ZBTB20: variants seen among roughly 807,000 people sequenced by gnomAD.
ZBTB20 encodes the protein zinc finger and BTB domain-containing protein 20.
ZBTB20 carries 9 observed loss-of-function variants against 56.9 expected under a neutral mutation model. That is an observed-to-expected ratio of 0.16 (90% confidence interval 0.10 to 0.28). The LOEUF (loss-of-function observed/expected upper bound fraction) is 0.28, where lower values mean the gene tolerates loss of function less well. Among genes scored for constraint, ZBTB20 ranks in the 10% least tolerant of loss-of-function variants. The probability of loss-of-function intolerance (pLI) is 1.00; values close to 1 mark genes in which losing one functional copy is unlikely to be tolerated. For missense variants in ZBTB20, 655 were observed against 1,003.0 expected (o/e 0.65, Z 4.69); for synonymous variants, 417 against 420.7 (o/e 0.99, Z 0.11).
chr3:114,859,437 T>C (rs2075407879), intron 4 of ZBTB20, among the ~76,000 whole-genome samples: 1 of 151,800 alleles, frequency 6.6e-6, no homozygotes, highest in South Asian at 2.1e-4. Flanking sequence ...TTCTCTCTTC[T>C]TTCCTTCCTT....
At chr3:114,671,383 G>A (rs1057085608) in intron 6 of ZBTB20, among the ~76,000 whole-genome samples, 1 of 151,968 alleles carries the variant, frequency 6.6e-6, no homozygotes, top group African/African-American at 2.4e-5. Context: ...TTTTCTTCAA[G>A]AGGACCCCCC....
chr3:114,893,269 TA>T (rs974729924), intron 4 of ZBTB20, among the ~76,000 whole-genome samples: 2 of 152,162 alleles, frequency 1.3e-5, no homozygotes, highest in Non-Finnish European at 2.9e-5. Flanking sequence ...TGTGCAGTTT[TA>T]AAATCCTTAT....
intron 6 of ZBTB20, among the ~76,000 whole-genome samples, chr3:114,613,609 C>T (rs2057715181): frequency 6.6e-6 from 1 of 152,082 alleles, no homozygotes; most frequent in Admixed American, 6.6e-5. Flanking sequence ...TACTTGAAAC[C>T]AGTGGTAAAA....
intron 2 of ZBTB20, among the ~76,000 whole-genome samples, chr3:114,981,477 C>T (rs893106054): frequency 2.0e-5 from 3 of 151,968 alleles, no homozygotes; most frequent in African/African-American, 7.2e-5. Context: ...GAAGTGACAG[C>T]AATTTTCTTC....
chr3:114,987,337 A>G (rs774572408), intron 2 of ZBTB20, among the ~76,000 whole-genome samples: 22 of 152,156 alleles, frequency 1.4e-4, no homozygotes, highest in Non-Finnish European at 3.1e-4. Context: ...CTTCCCAGGT[A>G]CAATGAATGC....
At chr3:114,670,122 G>A (rs1056775167) in intron 6 of ZBTB20, among the ~76,000 whole-genome samples, 1 of 151,992 alleles carries the variant, frequency 6.6e-6, no homozygotes, top group Non-Finnish European at 1.5e-5. Flanking sequence ...GCCTGAAGTT[G>A]ACATTCATAA....
chr3:114,527,701 G>A (rs1377671752), intron 6 of ZBTB20, among the ~76,000 whole-genome samples: 1 of 152,082 alleles, frequency 6.6e-6, no homozygotes, highest in East Asian at 1.9e-4. Context: ...GCAACTTCAT[G>A]TTAAATATGT....
At chr3:114,885,577 T>C (rs1161477721) in intron 4 of ZBTB20, among the ~76,000 whole-genome samples, 1 of 152,152 alleles carries the variant, frequency 6.6e-6, no homozygotes, top group African/African-American at 2.4e-5. Context: ...TTCTTCTTTT[T>C]TTTTTTTCGG....
chr3:114,844,860 CTTT>C (rs11396350), intron 4 of ZBTB20, among the ~76,000 whole-genome samples: 9 of 130,408 alleles, frequency 6.9e-5, no homozygotes, highest in Non-Finnish European at 1.1e-4. Context: ...TTTTCTTTTT[CTTT>C]TTTTTTTTTT....
chr3:114,458,102 A>G (rs1559816147), intron 7 of ZBTB20, among the ~76,000 whole-genome samples: 1 of 152,170 alleles, frequency 6.6e-6, no homozygotes, highest in Non-Finnish European at 1.5e-5. Flanking sequence ...AAAATGGATG[A>G]AGGGAAGAGT....
intron 1 of ZBTB20, among the ~76,000 whole-genome samples, chr3:115,141,649 C>T (rs2084814227): frequency 6.6e-6 from 1 of 152,136 alleles, no homozygotes. Context: ...AAGAAAATGA[C>T]AATACCATTC....
rs200951904 is a variant in ZBTB20, at chr3:114,748,337, C to T, written c.-343+52764G>A. Reference sequence around the variant, plus strand: ...TTCTTTCTTTCTTTCTTTCTTTCTTCTTTCTTTCTTTCTTTTCTCTCTCTC... The same window carrying T: ...TTCTTTCTTTCTTTCTTTCTTTCTTTTTTCTTTCTTTCTTTTCTCTCTCTC... On this transcript the variant is annotated intron_variant, in intron 5 of 11. Transcript: ENST00000675478. Among the ~76,000 whole-genome samples the T allele has an allele frequency of 1.6e-3, 56 of 35,994 alleles. 1 individual carries two copies. The East Asian group carries it at 0.018, about 11-fold the overall frequency. The allele number at this position is 35,994 out of a possible 152,430, so 23.6% of individuals were successfully genotyped here.
At chr3:114,486,217 T>G (rs2042137322) in intron 7 of ZBTB20, among the ~76,000 whole-genome samples, 1 of 138,974 alleles carries the variant, frequency 7.2e-6, no homozygotes, top group African/African-American at 2.6e-5. Flanking sequence ...ATCCTACATG[T>G]CTAAAACTTT....
chr3:115,018,560 T>C (rs2108293276), intron 2 of ZBTB20, among the ~76,000 whole-genome samples: 1 of 151,466 alleles, frequency 6.6e-6, no homozygotes, highest in South Asian at 2.1e-4. Context: ...ACCATTTAGA[T>C]TGATATGTTC....
At chr3:114,475,805 C>A (rs1167835599) in intron 7 of ZBTB20, among the ~76,000 whole-genome samples, 3 of 152,094 alleles carry the variant, frequency 2.0e-5, no homozygotes, top group Non-Finnish European at 2.9e-5. Flanking sequence ...TACTTCCACA[C>A]CCTCATCAAT....
intron 7 of ZBTB20, among the ~76,000 whole-genome samples, chr3:114,436,692 T>C (rs1173621595): frequency 1.3e-5 from 2 of 152,216 alleles, no homozygotes; most frequent in East Asian, 1.9e-4. Context: ...TGTAAACCTA[T>C]ATTCCCTCCC....
intron 7 of ZBTB20, among the ~76,000 whole-genome samples, chr3:114,432,033 C>T (rs898807639): frequency 6.6e-6 from 1 of 152,086 alleles, no homozygotes; most frequent in Non-Finnish European, 1.5e-5. Context: ...TTGTCTCTTT[C>T]TTATACAGAC....
intron 7 of ZBTB20, among the ~76,000 whole-genome samples, chr3:114,405,936 A>ATT (rs140625655): frequency 2.4e-4 from 36 of 150,812 alleles, no homozygotes; most frequent in Admixed American, 5.9e-4. Flanking sequence ...TACTAGAGGC[A>ATT]TTTTTTTTTA....
At chr3:114,597,005 T>A (rs1429646004) in intron 6 of ZBTB20, among the ~76,000 whole-genome samples, 1 of 152,092 alleles carries the variant, frequency 6.6e-6, no homozygotes, top group African/African-American at 2.4e-5. Context: ...AGTTCAAATA[T>A]AAATACTTCC....
Sources: allele counts gnomAD v4.1 joint callset (sites outside exome capture counted in the v4.1 genomes callset), GRCh38; gene constraint gnomAD v4.1.1; transcripts MANE v1.5; gene names NCBI Gene and HGNC (gene_info 2026-07-23, HGNC 2026-07-21).